The following ADAM32 variants were observed in gnomAD, a reference collection of about 807,000 sequenced individuals.
The protein encoded by ADAM32 is disintegrin and metalloproteinase domain-containing protein 32.
Under a neutral mutation model 114.9 loss-of-function variants are expected in ADAM32, and 89 were observed. That is an observed-to-expected ratio of 0.77 (90% CI 0.65 to 0.92). The LOEUF (loss-of-function observed/expected upper bound fraction) is 0.92, where lower values mean the gene tolerates loss of function less well. ADAM32 is among the 40% of genes least tolerant of loss of function. The pLI is 0.00. For synonymous variants in ADAM32, 285 were observed against 307.5 expected (o/e 0.93, Z 0.77); for missense variants, 870 against 932.8 (o/e 0.93, Z 0.88).
intron 1 of ADAM32, among the ~76,000 whole-genome samples, chr8:39,111,048 G>A (rs1454537176): frequency 2.0e-5 from 3 of 152,120 alleles, no homozygotes; most frequent in Non-Finnish European, 2.9e-5. Context: ...TTCAAGGTTC[G>A]TCTCTGTTGT....
intron 1 of ADAM32, among the ~76,000 whole-genome samples, chr8:39,113,815 G>A (rs191654055): frequency 7.9e-5 from 12 of 152,242 alleles, no homozygotes; most frequent in Non-Finnish European, 1.6e-4. Flanking sequence ...TCTGAGCTAC[G>A]ACAGGACAGT....
intron 12 of ADAM32, among the ~76,000 whole-genome samples, chr8:39,213,646 C>T (rs1564614449): frequency 2.0e-5 from 3 of 152,116 alleles, no homozygotes; most frequent in Admixed American, 6.6e-5. Flanking sequence ...TATTCATTCC[C>T]TCAAACTTTA....
intron 6 of ADAM32, among the ~76,000 whole-genome samples, chr8:39,155,203 C>T (rs1188565131): frequency 6.6e-6 from 1 of 152,184 alleles, no homozygotes; most frequent in Non-Finnish European, 1.5e-5. Flanking sequence ...TCCTATTCAA[C>T]ATAGTATTGG....
At chr8:39,252,991 TAAAC>T (rs1314536653) in intron 17 of ADAM32, among the ~76,000 whole-genome samples, 2 of 151,600 alleles carry the variant, frequency 1.3e-5, no homozygotes, top group African/African-American at 2.4e-5. Context: ...ACAGAAGAAT[TAAAC>T]AAGAAAATAA....
chr8:39,131,522 A>AT (rs1013010915), intron 2 of ADAM32, among the ~76,000 whole-genome samples: 4 of 152,060 alleles, frequency 2.6e-5, no homozygotes, highest in Non-Finnish European at 5.9e-5. Flanking sequence ...GTGCTTGTTG[A>AT]TTTTTTGTCT....
rs371743658 is a variant in ADAM32, at chr8:39,107,770, C to T, written c.-6C>T. On this transcript the variant is annotated 5_prime_UTR_variant, in exon 1 of 25. Coordinates refer to ENST00000379907, the MANE Select transcript of ADAM32 (RefSeq NM_145004.7). ...GGCTTCCCGCTGGCAGCCCCGAAGC[C>T]GCACCATGTTCCGCCTCTGGTTGCT... The T allele has an allele frequency of 3.7e-5, 57 of 1,550,552 alleles. No homozygotes were observed. The African/African-American group carries it at 7.1e-4, about 19-fold the overall frequency.
chr8:39,196,465 G>T (rs913252373), intron 11 of ADAM32, among the ~76,000 whole-genome samples: 2 of 152,080 alleles, frequency 1.3e-5, no homozygotes, highest in Non-Finnish European at 2.9e-5. Context: ...GGTGTTAGCT[G>T]TGGGTTTGTT....
intron 14 of ADAM32, among the ~76,000 whole-genome samples, chr8:39,227,454 C>T (rs1564638191): frequency 6.6e-6 from 1 of 152,114 alleles, no homozygotes; most frequent in South Asian, 2.1e-4. Flanking sequence ...TAAAACTTCA[C>T]AGGGAGAAGG....
At chr8:39,265,975 T>A (rs1483057473) in intron 19 of ADAM32, among the ~76,000 whole-genome samples, 1 of 152,222 alleles carries the variant, frequency 6.6e-6, no homozygotes, top group Non-Finnish European at 1.5e-5. Context: ...TCTTTAAGGA[T>A]GCTGAATATA....
chr8:39,167,395 G>C (rs550849173), intron 9 of ADAM32: 1 of 152,248 alleles, frequency 6.6e-6, no homozygotes, highest in South Asian at 2.1e-4. Flanking sequence ...CTGTTCCATT[G>C]ATCTACATGC....
intron 15 of ADAM32, 41 bp from the exon 16 acceptor site, chr8:39,233,858 T>C: frequency 8.2e-7 from 1 of 1,225,464 alleles, no homozygotes; most frequent in Non-Finnish European, 1.1e-6. Context: ...CCTAATAAAT[T>C]CCTAATGTAT....
At chr8:39,201,989 G>A (rs1383197588) in intron 11 of ADAM32, among the ~76,000 whole-genome samples, 1 of 152,176 alleles carries the variant, frequency 6.6e-6, no homozygotes, top group Non-Finnish European at 1.5e-5. Context: ...ACTTGATCAT[G>A]GTGGATAAGC....
At chr8:39,271,275 AT>A (rs1195014721) in intron 20 of ADAM32, among the ~76,000 whole-genome samples, 1 of 152,206 alleles carries the variant, frequency 6.6e-6, no homozygotes, top group African/African-American at 2.4e-5. Flanking sequence ...CACATGTATG[AT>A]GGTGGTTCCA....
chr8:39,157,229 T>C (rs145478661), intron 6 of ADAM32, among the ~76,000 whole-genome samples: 1 of 152,318 alleles, frequency 6.6e-6, no homozygotes, highest in African/African-American at 2.4e-5. Flanking sequence ...CTTTTTATCA[T>C]TAACTTTGGA....
intron 3 of ADAM32, among the ~76,000 whole-genome samples, chr8:39,138,850 C>T (rs1465267656): frequency 6.6e-6 from 1 of 152,100 alleles, no homozygotes; most frequent in Non-Finnish European, 1.5e-5. Context: ...TTCCTGACCG[C>T]TTAAAGATTG....
intron 19 of ADAM32, among the ~76,000 whole-genome samples, chr8:39,264,810 A>C (rs1254352309): frequency 1.3e-5 from 2 of 152,184 alleles, no homozygotes; most frequent in Non-Finnish European, 2.9e-5. Context: ...TATTTACCAA[A>C]AAGTCATTCA....
rs1812948328 is a variant in ADAM32 at position 39,274,445 on chromosome 8, C to CAA, written c.2240+96_2240+97dup. 3.7e-5 allele frequency: 52 copies of CAA among 1,410,184 alleles called. No individual in the cohort carries two copies. In the South Asian group the frequency reaches 6.1e-4, roughly 17 times the overall value. The allele number at this position is 1,410,184 out of a possible 1,614,324, so 87.4% of individuals were successfully genotyped here. A position where few individuals can be genotyped will look rare whatever the true frequency, so the allele number is the denominator to read the frequency against. The stretch of plus-strand genomic sequence containing the variant: ...ATTTCTAAATATTTTTGAACAATGT[C>CAA]AATTGGTAAAGCAATGCACTAAAAT... On this transcript the variant is annotated intron_variant, in intron 21 of 24. Transcript: ENST00000379907.
chr8:39,134,535 A>G (rs1055013969), intron 2 of ADAM32, among the ~76,000 whole-genome samples: 4 of 151,978 alleles, frequency 2.6e-5, no homozygotes, highest in African/African-American at 7.3e-5. Flanking sequence ...GCTGAATTCT[A>G]GTTCTCTCTC....
chr8:39,247,055 T>A (rs1016518626), intron 17 of ADAM32, among the ~76,000 whole-genome samples: 3 of 152,200 alleles, frequency 2.0e-5, no homozygotes, highest in African/African-American at 7.2e-5. Context: ...TAGTGCTAAA[T>A]AATATTCCAT....
Sources: allele counts gnomAD v4.1 joint callset (sites outside exome capture counted in the v4.1 genomes callset), GRCh38; gene constraint gnomAD v4.1.1; transcripts MANE v1.5; gene names NCBI Gene and HGNC (gene_info 2026-07-23, HGNC 2026-07-21).